The following CCSER2 variants were observed in gnomAD, a reference collection of about 807,000 sequenced individuals.
The protein encoded by CCSER2 is coiled-coil serine rich protein 2.
CCSER2 carries 46 observed loss-of-function variants against 92.3 expected under a neutral mutation model. The observed-to-expected ratio is 0.50, with a 90% CI of 0.39 to 0.64. CCSER2 has a LOEUF of 0.64. Ranked by LOEUF, CCSER2 falls within the 30% of genes least tolerant of loss-of-function variation. The pLI, the probability that CCSER2 is intolerant of heterozygous loss-of-function variation, is 0.00. For missense variants in CCSER2, 1,244 were observed against 1,238.9 expected (o/e 1.00, Z -0.06); for synonymous variants, 433 against 431.4 (o/e 1.00, Z -0.04).
Position 84,332,433 on chromosome 10 carries a change from TATA to T in CCSER2, c.-40+3626_-40+3628del, listed in dbSNP as rs370301223. ...TTTTTTATATATATATATATATATATATATTTTTTTTTTTTTTTTTTTTTGAGA... is the reference window on the plus strand; with the variant it reads ...TTTTTTATATATATATATATATATATTTTTTTTTTTTTTTTTTTTTTGAGA... On this transcript the variant is annotated intron_variant, in intron 1 of 9. Coordinates refer to ENST00000372088, the MANE Select transcript of CCSER2 (RefSeq NM_001284240.2). Among the ~76,000 whole-genome samples, 267 of 54,698 alleles carry T rather than the reference TATA, an allele frequency of 4.9e-3. 4 individuals carry two copies. Among genetic ancestry groups the T allele is most frequent in the African/African-American group, 9.9e-3 (154 of 15,548 alleles). The allele number at this position is 54,698 out of a possible 152,430, so 35.9% of individuals were successfully genotyped here. A position where few individuals can be genotyped will look rare whatever the true frequency, so the allele number is the denominator to read the frequency against.
At chr10:84,343,720 T>A (rs1363425335) in intron 1 of CCSER2, among the ~76,000 whole-genome samples, 1 of 152,198 alleles carries the variant, frequency 6.6e-6, no homozygotes, top group Middle Eastern at 3.2e-3. Context: ...GCAAGAAAAG[T>A]TGTATGGAAA....
intron 4 of CCSER2, among the ~76,000 whole-genome samples, chr10:84,420,388 A>G (rs1319501032): frequency 3.3e-5 from 5 of 152,210 alleles, no homozygotes; most frequent in Non-Finnish European, 7.3e-5. Flanking sequence ...TGGATCTAAA[A>G]TATGTAGCCT....
chr10:84,414,816 G>A (rs1264721870), intron 3 of CCSER2, among the ~76,000 whole-genome samples: 2 of 151,968 alleles, frequency 1.3e-5, no homozygotes, highest in African/African-American at 4.8e-5. Context: ...TTACATAATT[G>A]CATATTTTTC....
At chr10:84,455,369 G>C (rs1484969166) in intron 6 of CCSER2, 1 of 166,054 alleles carries the variant, frequency 6.0e-6, no homozygotes, top group Admixed American at 6.4e-5. Flanking sequence ...TCCACCTCCA[G>C]GGTTCAAGTG....
intron 3 of CCSER2, among the ~76,000 whole-genome samples, chr10:84,386,542 C>CAGTTTAGT: frequency 6.6e-6 from 1 of 152,168 alleles, no homozygotes; most frequent in Non-Finnish European, 1.5e-5. Flanking sequence ...CATGGCTAAA[C>CAGTTTAGT]CCTGTCTCTA....
At chr10:84,393,833 T>A (rs889154213) in intron 3 of CCSER2, 3 of 152,192 alleles carry the variant, frequency 2.0e-5, no homozygotes, top group African/African-American at 7.2e-5. Context: ...TGCAAGTAAC[T>A]AAAAATGTGA....
At chr10:84,466,706 G>T (rs959481446) in intron 7 of CCSER2, among the ~76,000 whole-genome samples, 7 of 151,570 alleles carry the variant, frequency 4.6e-5, no homozygotes, top group Admixed American at 4.6e-4. Context: ...GTAGGGACGG[G>T]GTTTCACCGT....
intron 9 of CCSER2, among the ~76,000 whole-genome samples, chr10:84,504,297 CTT>C (rs78289189): frequency 2.5e-4 from 34 of 137,416 alleles, no homozygotes; most frequent in African/African-American, 2.9e-4. Flanking sequence ...CAAAGTAAAG[CTT>C]TTTTTTTTTT....
chr10:84,441,736 G>GTTTTTTTTTTTTT (rs869280119), intron 6 of CCSER2, among the ~76,000 whole-genome samples: 7 of 43,640 alleles, frequency 1.6e-4, no homozygotes, highest in East Asian at 1.2e-3. Context: ...CTGGGAAAAT[G>GTTTTTTTTTTTTT]TTTTTTTTTT....
chr10:84,331,762 CTT>C (rs1589367334), intron 1 of CCSER2, among the ~76,000 whole-genome samples: 2 of 152,282 alleles, frequency 1.3e-5, no homozygotes, highest in African/African-American at 2.4e-5. Flanking sequence ...TCAAAACAAA[CTT>C]AATTTTTCTT....
intron 9 of CCSER2, among the ~76,000 whole-genome samples, chr10:84,502,741 GC>G (rs1848831684): frequency 6.6e-6 from 1 of 152,124 alleles, no homozygotes; most frequent in Non-Finnish European, 1.5e-5. Flanking sequence ...GCGAGGTAAA[GC>G]TTGGCTGTGA....
chr10:84,508,163 T>C (rs1849163625), intron 9 of CCSER2, among the ~76,000 whole-genome samples: 1 of 152,336 alleles, frequency 6.6e-6, no homozygotes, highest in South Asian at 2.1e-4. Flanking sequence ...TTTGAACACG[T>C]TAACATTTTT....
chr10:84,367,370 T>C (rs1845827935), intron 1 of CCSER2, among the ~76,000 whole-genome samples: 1 of 150,524 alleles, frequency 6.6e-6, no homozygotes, highest in Non-Finnish European at 1.5e-5. Context: ...TGTCTTTTTT[T>C]TCTCCTCGAT....
Position 84,516,377 on chromosome 10 carries a change from C to T in CCSER2, c.*2110C>T, listed in dbSNP as rs1261919419. The stretch of plus-strand genomic sequence containing the variant: ...ATACTGTTAGAGTCAGGCAAATCAG[C>T]AAAGCACTTTGTTATGGAGATGACC... On this transcript the variant is annotated 3_prime_UTR_variant, in exon 10 of 10. Transcript: ENST00000372088. 1 of 152,172 alleles carries T rather than the reference C, an allele frequency of 6.6e-6. No individual in the cohort carries two copies. Among genetic ancestry groups the T allele is most frequent in the African/African-American group, 2.4e-5 (1 of 41,442 alleles). 9.4% of individuals were successfully genotyped at this position (152,172 alleles called of 1,614,324 possible).
chr10:84,373,146 G>A (rs956965190), intron 2 of CCSER2, among the ~76,000 whole-genome samples: 1 of 152,054 alleles, frequency 6.6e-6, no homozygotes, highest in Non-Finnish European at 1.5e-5. Context: ...GGACTAGATC[G>A]TGCATAGAAA....
rs775172091 is a variant in CCSER2 at position 84,373,825 on chromosome 10, G to C, written c.1614+10G>C. ...TGAAATGAACAGCATAGTATGTATG[G>C]ATTTATATACTCTTGGAATATTTTG... is the stretch of plus-strand genomic sequence containing the variant. On this transcript the variant is annotated intron_variant, in intron 3 of 9. Coordinates refer to ENST00000372088, the MANE Select transcript of CCSER2 (RefSeq NM_001284240.2). 24 of 1,613,300 alleles carry C rather than the reference G, an allele frequency of 1.5e-5. No individual in the cohort carries two copies. Among genetic ancestry groups the C allele is most frequent in the Non-Finnish European group, 1.9e-5 (23 of 1,179,652 alleles).
intron 3 of CCSER2, among the ~76,000 whole-genome samples, chr10:84,408,732 G>A (rs1012158160): frequency 6.6e-6 from 1 of 152,152 alleles, no homozygotes; most frequent in African/African-American, 2.4e-5. Flanking sequence ...GCCCTGCTCT[G>A]GACTTAGAGC....
chr10:84,500,118 TC>T (rs1238528908), intron 9 of CCSER2: 12 of 413,616 alleles, frequency 2.9e-5, no homozygotes, highest in Non-Finnish European at 3.6e-5. Context: ...TCTTAACACT[TC>T]CTTTTACTGC....
Position 84,372,170 on chromosome 10 carries a change from A to G in CCSER2, c.1118A>G (p.Tyr373Cys), listed in dbSNP as rs757793481. 3.1e-6 allele frequency: 5 copies of G among 1,613,644 alleles called. No homozygotes were observed. Among genetic ancestry groups the G allele is most frequent in the East Asian group, 2.2e-5 (1 of 44,864 alleles). ...KDQELIENESYRTKNNQTMKH... is the reference protein window; with the variant it reads ...KDQELIENESCRTKNNQTMKH... ...CAAGAACTGATTGAAAATGAAAGTT[A>G]TAGAACAAAAAACAACCAGACCATG... Residue 373 changes from tyrosine (Y) to cysteine (C), a missense_variant, in exon 2 of 10, where the codon TAT becomes TGT. By Grantham distance (194) the Tyr-to-Cys change is radical. Coordinates refer to ENST00000372088, the MANE Select transcript of CCSER2 (RefSeq NM_001284240.2).
Sources: gnomAD v4.1 joint callset for allele counts (sites outside exome capture counted in the v4.1 genomes callset) on GRCh38, gnomAD v4.1.1 for gene constraint, MANE v1.5 for transcripts, NCBI Gene and HGNC (gene_info 2026-07-23, HGNC 2026-07-21) for gene names.